Variants in DNAH8 observed in about 807,000 individuals in gnomAD.
The protein encoded by DNAH8 is axonemal beta dynein heavy chain 8.
DNAH8 carries 382 observed loss-of-function variants against 562.1 expected under a neutral mutation model. The ratio of observed to expected loss-of-function variants is 0.68; its 90% CI spans 0.63 to 0.74. The LOEUF (loss-of-function observed/expected upper bound fraction) is 0.74, where lower values mean the gene tolerates loss of function less well. DNAH8 is among the 30% of genes least tolerant of loss of function. DNAH8 has a pLI of 0.00. For synonymous variants in DNAH8, 1,881 were observed against 1,919.4 expected, an observed-to-expected ratio of 0.98 and a Z score of 0.52; for missense variants, 5,203 against 5,620.4, an observed-to-expected ratio of 0.93 and a Z score of 2.37.
chr6:38,883,799 C>T (rs1166145379), intron 55 of DNAH8, 77 bp from the exon 56 acceptor site: 1 of 1,199,640 alleles, frequency 8.3e-7, no homozygotes, highest in Non-Finnish European at 1.1e-6. Context: ...ATATTCTACT[C>T]TGACAAGAAT....
rs764754930 is a variant in DNAH8, at chr6:38,862,877, G to A, written c.6310+419G>A. Reference sequence around the variant, plus strand: ...ATTTTGAGAAAATCCTGAAAGGTACGTAGAACATGTTTTCAGATGGACAGA... The same window carrying A: ...ATTTTGAGAAAATCCTGAAAGGTACATAGAACATGTTTTCAGATGGACAGA... On this transcript the variant is annotated intron_variant, in intron 44 of 92. Transcript: ENST00000327475. Among the ~76,000 whole-genome samples, 21 of 152,188 alleles carry A rather than the reference G, an allele frequency of 1.4e-4. 1 individual carries two copies. Among genetic ancestry groups the A allele is most frequent in the Non-Finnish European group, 2.2e-4 (15 of 68,032 alleles).
chr6:38,741,473 A>AT (rs1764515658), intron 7 of DNAH8, among the ~76,000 whole-genome samples: 2 of 149,124 alleles, frequency 1.3e-5, no homozygotes. Flanking sequence ...AAAAAAAAAA[A>AT]CCCAAAATAA....
At chr6:38,729,209 AAC>A (rs905988592) in intron 3 of DNAH8, among the ~76,000 whole-genome samples, 13 of 146,920 alleles carry the variant, frequency 8.8e-5, no homozygotes, top group East Asian at 2.0e-4. Flanking sequence ...TCTCAAAACA[AAC>A]AAACAAACAA....
chr6:38,719,710 C>G (rs1259242679), intron 1 of DNAH8, among the ~76,000 whole-genome samples: 3 of 152,188 alleles, frequency 2.0e-5, no homozygotes, highest in Admixed American at 1.3e-4. Flanking sequence ...CTCATTCCCT[C>G]TAGCATCAGA....
At chr6:38,743,007 CTTTTTTTTTTTTTT>C (rs11340457) in intron 8 of DNAH8, among the ~76,000 whole-genome samples, 4 of 51,978 alleles carry the variant, frequency 7.7e-5, no homozygotes, top group Non-Finnish European at 1.2e-4. Context: ...TGTTGTTGTG[CTTTTTTTTTTTTTT>C]TTTTTTTTTT....
chr6:38,883,872 C>T lies in DNAH8; in HGVS notation c.8137-4C>T. 3 of 1,563,700 alleles carry T rather than the reference C, an allele frequency of 1.9e-6. No individual in the cohort carries two copies. The highest frequency in any genetic ancestry group is 2.6e-6 in the Non-Finnish European group (3 of 1,153,952). ...CATAAGACAAAACGTTTCCTTCTCT[C>T]TAGAGAACAATTGAAAGCTACGTGG... is the stretch of plus-strand genomic sequence containing the variant. On this transcript the variant is annotated splice_polypyrimidine_tract_variant and splice_region_variant and intron_variant, in intron 55 of 92. Transcript: ENST00000327475.
At chr6:38,798,274 A>ACAAGGTTAAT (rs940344342) in intron 21 of DNAH8, among the ~76,000 whole-genome samples, 4 of 152,242 alleles carry the variant, frequency 2.6e-5, no homozygotes, top group East Asian at 3.8e-4. Flanking sequence ...TACACACTTC[A>ACAAGGTTAAT]CAAGGTTAAT....
Position 38,761,320 on chromosome 6 carries a change from C to G in DNAH8, c.1516-382C>G, listed in dbSNP as rs1164686237. Reference sequence around the variant, plus strand: ...GTTCCCCTTCCTGTGTCCATGTGTTCTCATTGTTCAGTTCCCACCTATGAG... The same window carrying G: ...GTTCCCCTTCCTGTGTCCATGTGTTGTCATTGTTCAGTTCCCACCTATGAG... On this transcript the variant is annotated intron_variant, in intron 10 of 92. Coordinates refer to ENST00000327475, the MANE Select transcript of DNAH8 (RefSeq NM_001206927.2). 5.3e-5 allele frequency among the ~76,000 whole-genome samples: 7 copies of G among 132,484 alleles called. No individual in the cohort carries two copies. In the Admixed American group the frequency reaches 5.4e-4, roughly 10 times the overall value. The allele number at this position is 132,484 out of a possible 152,430, so 86.9% of individuals were successfully genotyped here.
intron 43 of DNAH8, among the ~76,000 whole-genome samples, 163 bp downstream of exon 43, chr6:38,860,792 T>C (rs987129420): frequency 1.3e-5 from 2 of 152,200 alleles, no homozygotes; most frequent in African/African-American, 4.8e-5. Flanking sequence ...TAAATATACA[T>C]GTGCATTGAA....
intron 21 of DNAH8, among the ~76,000 whole-genome samples, chr6:38,796,228 C>T (rs189176697): frequency 3.3e-5 from 5 of 152,322 alleles, no homozygotes; most frequent in East Asian, 1.9e-4. Context: ...GAGCCAGCCC[C>T]GTGTGCCTTT....
intron 91 of DNAH8, among the ~76,000 whole-genome samples, chr6:39,014,221 G>T (rs1211789949): frequency 6.6e-6 from 1 of 152,084 alleles, no homozygotes; most frequent in African/African-American, 2.4e-5. Flanking sequence ...GAGTTGTAAA[G>T]GGCAGCCCCC....
chr6:38,770,719 T>C (rs1363089460), intron 12 of DNAH8, among the ~76,000 whole-genome samples, 160 bp downstream of exon 12: 1 of 152,222 alleles, frequency 6.6e-6, no homozygotes, highest in Admixed American at 6.5e-5. Flanking sequence ...TTATTATAAC[T>C]TATTTTTTCA....
At chr6:39,009,202 C>A (rs2150766638) in intron 89 of DNAH8, among the ~76,000 whole-genome samples, 1 of 152,078 alleles carries the variant, frequency 6.6e-6, no homozygotes, top group East Asian at 1.9e-4. Flanking sequence ...TTTTCTGTTG[C>A]ATTCTTTTAA....
chr6:38,926,677 A>T (rs985835950), intron 74 of DNAH8, among the ~76,000 whole-genome samples: 2 of 152,072 alleles, frequency 1.3e-5, no homozygotes, highest in Admixed American at 6.6e-5. Flanking sequence ...TCCCTTAGGG[A>T]TTCTGTTACT....
At chr6:38,951,275 G>A (rs1245008162) in intron 81 of DNAH8, 43 bp from the exon 82 acceptor site, 1 of 1,543,634 alleles carries the variant, frequency 6.5e-7, no homozygotes, top group Non-Finnish European at 8.9e-7. Flanking sequence ...GATAAAAATT[G>A]AACACGTTTA....
In DNAH8 at chr6:39,028,662, A is replaced by G. The variant is rs184676621; in HGVS notation, c.13837-1443A>G. On this transcript the variant is annotated intron_variant, in intron 92 of 92. Coordinates refer to ENST00000327475, the MANE Select transcript of DNAH8 (RefSeq NM_001206927.2). ...ATGAAGTTTTGGGTGACACTATTCT[A>G]TCTACCACACCTTCTCACTGACTTT... is the stretch of plus-strand genomic sequence containing the variant. Among the ~76,000 whole-genome samples, 44 of 152,310 alleles carry G rather than the reference A, an allele frequency of 2.9e-4. No individual in the cohort carries two copies. The East Asian group carries it at 7.9e-3, about 27-fold the overall frequency.
At chr6:38,733,909 A>G (rs1763860081) in intron 4 of DNAH8, among the ~76,000 whole-genome samples, 1 of 148,790 alleles carries the variant, frequency 6.7e-6, no homozygotes, top group Non-Finnish European at 1.5e-5. Context: ...AAAAAAAAAG[A>G]CTCCATCTAA....
At position 38,736,713 on chromosome 6, in the gene DNAH8, GAA is replaced by G. The variant is rs5875636; in HGVS notation, c.763-343_763-342del. On this transcript the variant is annotated intron_variant, in intron 5 of 92. Coordinates refer to ENST00000327475, the MANE Select transcript of DNAH8 (RefSeq NM_001206927.2). ...ACTTCTAGGCAAGGGCTTTTCACCA[GAA>G]AAAAAAAAAATCATGGACAGGGCAA... 8.2e-3 allele frequency among the ~76,000 whole-genome samples: 1,186 copies of G among 145,510 alleles called. 12 individuals carry two copies. The highest frequency in any genetic ancestry group is 0.024 in the African/African-American group (950 of 39,342).
At chr6:38,921,872 A>G (rs1374666273) in intron 71 of DNAH8, among the ~76,000 whole-genome samples, 2 of 151,242 alleles carry the variant, frequency 1.3e-5, no homozygotes, top group Non-Finnish European at 2.9e-5. Context: ...GAAGGGAGAC[A>G]GGGGTGGGGC....
Sources: allele counts gnomAD v4.1 joint callset (sites outside exome capture counted in the v4.1 genomes callset), GRCh38; gene constraint gnomAD v4.1.1; transcripts MANE v1.5; gene names NCBI Gene and HGNC (gene_info 2026-07-23, HGNC 2026-07-21).